EHMT1: variants seen among roughly 807,000 people sequenced by gnomAD.
EHMT1 encodes the protein euchromatic histone lysine methyltransferase 1.
A neutral mutation model predicts 147.2 loss-of-function variants in EHMT1; 15 were observed. That is an observed-to-expected ratio of 0.10 (90% CI 0.07 to 0.16). The LOEUF is 0.16. Ranked by LOEUF, EHMT1 falls within the 10% of genes least tolerant of loss-of-function variation. The pLI, the probability that EHMT1 is intolerant of heterozygous loss-of-function variation, is 1.00. For missense variants in EHMT1, 1,587 were observed against 1,772.4 expected, an observed-to-expected ratio of 0.90 and a Z score of 1.88; for synonymous variants, 795 against 709.6, an observed-to-expected ratio of 1.12 and a Z score of -1.91.
chr9:137,623,057 A>G (rs779535510), intron 1 of EHMT1, among the ~76,000 whole-genome samples: 1 of 151,696 alleles, frequency 6.6e-6, no homozygotes, highest in Non-Finnish European at 1.5e-5. Flanking sequence ...CTAAAAATAC[A>G]AGAAAATTAG....
intron 1 of EHMT1, among the ~76,000 whole-genome samples, chr9:137,656,128 C>T (rs1393279751): frequency 6.6e-6 from 1 of 152,108 alleles, no homozygotes; most frequent in African/African-American, 2.4e-5. Flanking sequence ...ACCTATAATC[C>T]CAGCACTTTG....
At chr9:137,816,113 T>G (rs1954899756) in intron 23 of EHMT1, 51 bp downstream of exon 23, 3 of 1,519,980 alleles carry the variant, frequency 2.0e-6, no homozygotes, top group Non-Finnish European at 1.8e-6. Context: ...TATTAGCACG[T>G]ATTAGCACGG....
At chr9:137,683,124 C>T (rs1942118219) in intron 1 of EHMT1, among the ~76,000 whole-genome samples, 2 of 152,194 alleles carry the variant, frequency 1.3e-5, no homozygotes, top group African/African-American at 4.8e-5. Context: ...AGTTAGGTCA[C>T]TGTTTGACAG....
At chr9:137,743,297 T>C (rs1948263378) in intron 4 of EHMT1, 74 bp from the exon 5 acceptor site, 3 of 1,518,294 alleles carry the variant, frequency 2.0e-6, no homozygotes, top group Non-Finnish European at 2.6e-6. Flanking sequence ...AAACTGTCTC[T>C]TACCTTTGAA....
chr9:137,768,086 G>T (rs1313159857), intron 10 of EHMT1, among the ~76,000 whole-genome samples: 1 of 152,136 alleles, frequency 6.6e-6, no homozygotes, highest in African/African-American at 2.4e-5. Flanking sequence ...CATAACCTGA[G>T]TGTGGAGTGG....
intron 1 of EHMT1, among the ~76,000 whole-genome samples, chr9:137,643,795 G>C (rs925804718): frequency 8.5e-5 from 13 of 152,178 alleles, no homozygotes; most frequent in Non-Finnish European, 1.9e-4. Flanking sequence ...TGTGGTTTCA[G>C]CCTGATGGTG....
chr9:137,705,333 T>C (rs1554841449), intron 1 of EHMT1, among the ~76,000 whole-genome samples: 1 of 152,146 alleles, frequency 6.6e-6, no homozygotes, highest in Non-Finnish European at 1.5e-5. Flanking sequence ...GGACATGAAA[T>C]CTCCTGAGTG....
intron 1 of EHMT1, among the ~76,000 whole-genome samples, chr9:137,648,311 C>T (rs1845053235): frequency 6.6e-6 from 1 of 152,016 alleles, no homozygotes; most frequent in Non-Finnish European, 1.5e-5. Context: ...AATGTTAAAA[C>T]ACAGACAGTG....
At chr9:137,673,952 G>T (rs1476171669) in intron 1 of EHMT1, among the ~76,000 whole-genome samples, 2 of 152,222 alleles carry the variant, frequency 1.3e-5, no homozygotes, top group East Asian at 1.9e-4. Context: ...GAGCCTGGGG[G>T]CTGAGGCCTT....
intron 1 of EHMT1, among the ~76,000 whole-genome samples, chr9:137,705,052 A>ACCTTGTTTCAAGGAAACCTTGAACCAG (rs1338407371): frequency 9.3e-5 from 14 of 151,132 alleles, no homozygotes; most frequent in African/African-American, 2.7e-4. Context: ...CAGTGGTACA[A>ACCTTGTTTCAAGGAAACCTTGAACCAG]CCTTGTTTCA....
At chr9:137,759,289 G>A (rs60353612) in intron 9 of EHMT1, among the ~76,000 whole-genome samples, 7,420 of 152,256 alleles carry the variant, frequency 0.049, 602 homozygotes, top group African/African-American at 0.17. Context: ...CATGCTTTCC[G>A]AGTATAACAC....
intron 8 of EHMT1, among the ~76,000 whole-genome samples, chr9:137,755,835 C>T (rs1001034314): frequency 1.3e-5 from 2 of 152,088 alleles, no homozygotes; most frequent in South Asian, 2.1e-4. Flanking sequence ...ACATTTTAGC[C>T]TTCATTTAGT....
In EHMT1 at chr9:137,828,849, A is replaced by G. The variant is rs1172644592; in HGVS notation, c.3541-5500A>G. On this transcript the variant is annotated intron_variant, in intron 25 of 26. Transcript: ENST00000460843. This position sits in a 1 kb window ranked among gnomAD's most constrained non-coding sequence, Gnocchi z 5.3. ...GAGCAGTGCCAGTTCAGCACCTTGG[A>G]GAGCTGCCGCCTCTGTGCCTCCCCT... Among the ~76,000 whole-genome samples, 1 of 152,138 alleles carries G rather than the reference A, an allele frequency of 6.6e-6. No homozygotes were observed. The highest frequency in any genetic ancestry group is 6.5e-5 in the Admixed American group (1 of 15,282).
At chr9:137,707,751 G>A (rs1944387861) in intron 1 of EHMT1, among the ~76,000 whole-genome samples, 1 of 152,246 alleles carries the variant, frequency 6.6e-6, no homozygotes, top group Non-Finnish European at 1.5e-5. Flanking sequence ...TGAGGACTGT[G>A]AGATGGAGTG....
rs1043920737 is a variant in EHMT1 at position 137,775,024 on chromosome 9, G to A, written c.1648-85G>A. ...CCCACACCTGCTGAGCAGCTCTTGTGTGCCTGCACTGCCCAGCGCCTGGTG... is the reference window on the plus strand; with the variant it reads ...CCCACACCTGCTGAGCAGCTCTTGTATGCCTGCACTGCCCAGCGCCTGGTG... On this transcript the variant is annotated intron_variant, in intron 10 of 26. Coordinates refer to ENST00000460843, the MANE Select transcript of EHMT1 (RefSeq NM_024757.5). This position sits in a 1 kb window ranked among gnomAD's most constrained non-coding sequence, Gnocchi z 6.1. The A allele has an allele frequency of 1.1e-5, 17 of 1,590,594 alleles. No homozygotes were observed. Among genetic ancestry groups the A allele is most frequent in the Non-Finnish European group, 8.6e-7 (1 of 1,161,098 alleles).
In EHMT1 at chr9:137,731,337, C is replaced by T. The variant is rs959915416; in HGVS notation, c.823+2808C>T. Among the ~76,000 whole-genome samples, 5 of 152,216 alleles carry T rather than the reference C, an allele frequency of 3.3e-5. No individual in the cohort carries two copies. The East Asian group carries it at 7.7e-4, about 23-fold the overall frequency. On this transcript the variant is annotated intron_variant, in intron 4 of 26. Coordinates refer to ENST00000460843, the MANE Select transcript of EHMT1 (RefSeq NM_024757.5). This position sits in a 1 kb window ranked among gnomAD's most constrained non-coding sequence, Gnocchi z 4.3. ...GCTCCCGTGTGTTGTCACCCCAGGGCTTCCGGAGTGGGCACAGAAGTTACA... is the reference window on the plus strand; with the variant it reads ...GCTCCCGTGTGTTGTCACCCCAGGGTTTCCGGAGTGGGCACAGAAGTTACA...
chr9:137,808,884 A>T (rs1954176108), intron 18 of EHMT1, among the ~76,000 whole-genome samples: 1 of 152,304 alleles, frequency 6.6e-6, no homozygotes, highest in East Asian at 1.9e-4. Context: ...GATCGTGCCA[A>T]CTGCATTCCA....
At chr9:137,714,092 A>T (rs1248497114) in intron 2 of EHMT1, among the ~76,000 whole-genome samples, 1 of 152,090 alleles carries the variant, frequency 6.6e-6, no homozygotes, top group East Asian at 1.9e-4. Context: ...TTTAGGGCTC[A>T]TTTGGTTTCT....
rs575424266 is a variant in EHMT1, at chr9:137,811,640, C to T, written c.2867+25C>T. The T allele has an allele frequency of 5.8e-5, 93 of 1,599,206 alleles. 1 individual carries two copies. Among genetic ancestry groups the T allele is most frequent in the South Asian group, 4.4e-5 (4 of 91,076 alleles). On this transcript the variant is annotated intron_variant, in intron 19 of 26. Coordinates refer to ENST00000460843, the MANE Select transcript of EHMT1 (RefSeq NM_024757.5). ...TGTGAGTGCAGTGCTTCCCCCAGCG[C>T]GGGCTGGCGCTGACCTGACCTGGGC...
Sources: gnomAD v4.1 joint callset for allele counts (sites outside exome capture counted in the v4.1 genomes callset) on GRCh38, gnomAD v4.1.1 for gene constraint, Gnocchi (gnomAD v3.1) non-coding constraint, MANE v1.5 for transcripts, NCBI Gene and HGNC (gene_info 2026-07-23, HGNC 2026-07-21) for gene names.